The following SLC14A2 variants were observed in gnomAD, a reference collection of about 807,000 sequenced individuals.
SLC14A2 encodes solute carrier family 14 member 2.
A neutral mutation model predicts 104.6 loss-of-function variants in SLC14A2; 91 were observed. The ratio of observed to expected loss-of-function variants is 0.87; its 90% CI spans 0.73 to 1.04. The LOEUF (loss-of-function observed/expected upper bound fraction) is 1.04, where lower values mean the gene tolerates loss of function less well. Ranked by LOEUF, SLC14A2 falls within the 50% of genes least tolerant of loss-of-function variation. The probability of loss-of-function intolerance (pLI) is 0.00; values close to 1 mark genes in which losing one functional copy is unlikely to be tolerated. For missense variants in SLC14A2, 1,189 were observed against 1,156.0 expected, an observed-to-expected ratio of 1.03 and a Z score of -0.41; for synonymous variants, 476 against 466.4, an observed-to-expected ratio of 1.02 and a Z score of -0.27.
chr18:45,192,907 G>A, the SLC14A2 span, among the ~76,000 whole-genome samples: 1 of 151,850 alleles, frequency 6.6e-6, no homozygotes, highest in African/African-American at 2.4e-5. Flanking sequence ...CCATCACCCT[G>A]ACCTCCCAAA....
At chr18:45,480,102 C>G (rs2087463401) in intron 1 of SLC14A2, among the ~76,000 whole-genome samples, 2 of 151,958 alleles carry the variant, frequency 1.3e-5, no homozygotes, top group Non-Finnish European at 2.9e-5. Context: ...CCATAAGTGC[C>G]CCCAAAACAA....
the SLC14A2 span, among the ~76,000 whole-genome samples, chr18:45,206,500 C>T: frequency 6.6e-6 from 1 of 152,094 alleles, no homozygotes; most frequent in Admixed American, 6.6e-5. Context: ...GCGAGGTTAG[C>T]CTTACTGTGC....
At chr18:45,671,284 C>T (rs549986813) in intron 16 of SLC14A2, among the ~76,000 whole-genome samples, 1 of 152,302 alleles carries the variant, frequency 6.6e-6, no homozygotes, top group East Asian at 1.9e-4. Context: ...ACCACCACCA[C>T]TCCACCAGTG....
At chr18:45,396,709 T>G (rs2086037351) in intron 1 of SLC14A2, among the ~76,000 whole-genome samples, 1 of 151,538 alleles carries the variant, frequency 6.6e-6, no homozygotes, top group Non-Finnish European at 1.5e-5. Flanking sequence ...CATGCAAAGG[T>G]TTGTTACATA....
intron 1 of SLC14A2, among the ~76,000 whole-genome samples, chr18:45,274,144 G>A (rs930349824): frequency 6.6e-5 from 10 of 152,076 alleles, no homozygotes; most frequent in Non-Finnish European, 1.3e-4. Context: ...CCACAACTCT[G>A]AGATCTTCTG....
At chr18:45,247,583 C>T (rs1234142475) in intron 1 of SLC14A2, among the ~76,000 whole-genome samples, 1 of 152,176 alleles carries the variant, frequency 6.6e-6, no homozygotes, top group Non-Finnish European at 1.5e-5. Flanking sequence ...CTCCCCTTCT[C>T]ATTCAGTAGT....
chr18:45,304,631 G>A (rs1027421505), intron 1 of SLC14A2, among the ~76,000 whole-genome samples: 5 of 152,202 alleles, frequency 3.3e-5, no homozygotes, highest in Non-Finnish European at 5.9e-5. Context: ...TGGGAAGGGA[G>A]TGATCATTCT....
At chr18:45,623,532 G>A (rs2045210548) in intron 1 of SLC14A2, among the ~76,000 whole-genome samples, 1 of 152,218 alleles carries the variant, frequency 6.6e-6, no homozygotes, top group Non-Finnish European at 1.5e-5. Flanking sequence ...AGCAAGGTGA[G>A]TGGTGCTCAG....
At chr18:45,230,415 G>A (rs2144019269) in intron 1 of SLC14A2, among the ~76,000 whole-genome samples, 1 of 152,226 alleles carries the variant, frequency 6.6e-6, no homozygotes, top group South Asian at 2.1e-4. Context: ...CTCGGCCTGT[G>A]GGCCCTATCT....
chr18:45,223,529 C>G (rs576992463), intron 1 of SLC14A2, among the ~76,000 whole-genome samples: 2 of 152,320 alleles, frequency 1.3e-5, no homozygotes, highest in South Asian at 4.1e-4. Flanking sequence ...AGAGGAAACT[C>G]ACTCTCAGAC....
chr18:45,377,408 C>T (rs2085787159), intron 1 of SLC14A2, among the ~76,000 whole-genome samples: 1 of 152,010 alleles, frequency 6.6e-6, no homozygotes. Context: ...AGTACTAATC[C>T]CAACTCATCT....
At chr18:45,542,858 G>A (rs2043911964) in intron 2 of SLC14A2, among the ~76,000 whole-genome samples, 1 of 151,472 alleles carries the variant, frequency 6.6e-6, no homozygotes, top group Non-Finnish European at 1.5e-5. Context: ...CTTATCCCTG[G>A]GCTGTTATTT....
chr18:45,228,261 T>A (rs183750977), intron 1 of SLC14A2, among the ~76,000 whole-genome samples: 29 of 152,296 alleles, frequency 1.9e-4, no homozygotes, highest in African/African-American at 6.5e-4. Context: ...GAATATTTGG[T>A]CAAATTACTG....
chr18:45,292,932 T>G (rs193045595), intron 1 of SLC14A2, among the ~76,000 whole-genome samples: 1 of 151,622 alleles, frequency 6.6e-6, no homozygotes, highest in Non-Finnish European at 1.5e-5. Context: ...ATATGTGATG[T>G]GCAAGTTCAA....
At chr18:45,572,721 C>T (rs1258014889) in intron 2 of SLC14A2, among the ~76,000 whole-genome samples, 2 of 152,204 alleles carry the variant, frequency 1.3e-5, no homozygotes, top group East Asian at 1.9e-4. Flanking sequence ...GTATATACCA[C>T]TTATTGGGGC....
intron 2 of SLC14A2, among the ~76,000 whole-genome samples, chr18:45,520,292 C>G (rs1246092988): frequency 2.0e-5 from 3 of 152,128 alleles, no homozygotes; most frequent in African/African-American, 7.2e-5. Flanking sequence ...AAAGCCTCAA[C>G]TAAAATCTCA....
intron 1 of SLC14A2, among the ~76,000 whole-genome samples, chr18:45,332,268 A>G (rs1248677539): frequency 6.6e-6 from 1 of 152,230 alleles, no homozygotes; most frequent in African/African-American, 2.4e-5. Flanking sequence ...AAATATTTGA[A>G]AAAAAATTGA....
At position 45,648,307 on chromosome 18, in the gene SLC14A2, G is replaced by T. The variant is rs529266641; in HGVS notation, c.1351+4147G>T. Among the ~76,000 whole-genome samples, 6 of 144,910 alleles carry T rather than the reference G, an allele frequency of 4.1e-5. 1 individual carries two copies. The highest frequency in any genetic ancestry group is 2.2e-4 in the East Asian group (1 of 4,484). ...TGCAAGCTCCGCCTCCCGGGTTCAC[G>T]CCATTCTCCTGCCTCAGCCTCCAGA... On this transcript the variant is annotated intron_variant, in intron 10 of 19. Coordinates refer to ENST00000255226, the MANE Select transcript of SLC14A2 (RefSeq NM_007163.4).
At chr18:45,640,939 C>A (rs527931316) in intron 7 of SLC14A2, among the ~76,000 whole-genome samples, 1 of 152,310 alleles carries the variant, frequency 6.6e-6, no homozygotes, top group East Asian at 1.9e-4. Flanking sequence ...TAAGAAGGGG[C>A]CTAGAATCCC....
Sources: gnomAD v4.1 joint callset for allele counts (sites outside exome capture counted in the v4.1 genomes callset) on GRCh38, gnomAD v4.1.1 for gene constraint, MANE v1.5 for transcripts, NCBI Gene and HGNC (gene_info 2026-07-23, HGNC 2026-07-21) for gene names.